Variants in SDK1 observed in about 807,000 individuals in gnomAD.
SDK1 encodes the protein protein sidekick-1.
Under a neutral mutation model 245.5 loss-of-function variants are expected in SDK1, and 157 were observed. That is an observed-to-expected ratio of 0.64 (90% confidence interval 0.56 to 0.73). The LOEUF (loss-of-function observed/expected upper bound fraction) is 0.73, where lower values mean the gene tolerates loss of function less well. SDK1 is among the 30% of genes least tolerant of loss of function. The probability of loss-of-function intolerance (pLI) is 0.00; values close to 1 mark genes in which losing one functional copy is unlikely to be tolerated. For synonymous variants in SDK1, 1,647 were observed against 1,278.5 expected, an observed-to-expected ratio of 1.29 and a Z score of -6.15; for missense variants, 3,583 against 3,002.3, an observed-to-expected ratio of 1.19 and a Z score of -4.52.
At chr7:4,164,688 G>A (rs1194553756) in intron 32 of SDK1, among the ~76,000 whole-genome samples, 2 of 152,210 alleles carry the variant, frequency 1.3e-5, no homozygotes, top group Non-Finnish European at 2.9e-5. Flanking sequence ...CCAAACAATG[G>A]TTGTGAAGGC....
At chr7:4,059,008 G>C (rs1779373693) in intron 19 of SDK1, among the ~76,000 whole-genome samples, 1 of 152,036 alleles carries the variant, frequency 6.6e-6, no homozygotes, top group Non-Finnish European at 1.5e-5. Context: ...TAAACAATGA[G>C]AGAGAAAGAA....
At position 3,951,902 on chromosome 7, in the gene SDK1, G is replaced by A. The variant is rs780195200; in HGVS notation, c.1132G>A (p.Ala378Thr). ...CGCTTTTGAACCGGCCAGGGCGACG[G>A]CCTTTCTTTTCATCATAGGTAATGC... ...GSAFEPARAT[A>T]FLFIIEPPYF... Residue 378 changes from alanine to threonine, a missense_variant, in exon 7 of 45, where the codon GCC (alanine) becomes ACC (threonine). By Grantham distance (58) the Ala-to-Thr change is moderately conservative. Transcript: ENST00000404826. The A allele has an allele frequency of 2.7e-5, 44 of 1,612,700 alleles. No individual in the cohort carries two copies. The South Asian group carries it at 4.4e-4, about 16-fold the overall frequency.
chr7:3,346,741 GTATA>G (rs1242719001), intron 1 of SDK1, among the ~76,000 whole-genome samples: 4 of 117,896 alleles, frequency 3.4e-5, no homozygotes, highest in East Asian at 4.9e-4. Context: ...ATATATACAC[GTATA>G]TATATGTGTG....
intron 5 of SDK1, among the ~76,000 whole-genome samples, chr7:3,843,616 A>G (rs994341248): frequency 2.6e-5 from 4 of 152,196 alleles, no homozygotes; most frequent in East Asian, 1.9e-4. Flanking sequence ...ATCTAAAACA[A>G]TATTATTGTG....
At chr7:3,972,798 C>G (rs1782593346) in intron 12 of SDK1, among the ~76,000 whole-genome samples, 1 of 152,192 alleles carries the variant, frequency 6.6e-6, no homozygotes, top group South Asian at 2.1e-4. Flanking sequence ...TTCCATGTCG[C>G]CACCCGACTC....
intron 13 of SDK1, among the ~76,000 whole-genome samples, chr7:3,978,032 C>T (rs1041860623): frequency 6.6e-6 from 1 of 152,158 alleles, no homozygotes. Flanking sequence ...ACCCAAAGCC[C>T]TCATCCAGCC....
intron 4 of SDK1, among the ~76,000 whole-genome samples, chr7:3,773,736 G>A (rs200916785): frequency 6.6e-6 from 1 of 152,136 alleles, no homozygotes; most frequent in African/African-American, 2.4e-5. Flanking sequence ...GGCTGTTTCT[G>A]TGCCATGGAT....
In SDK1 at chr7:4,017,248, C is replaced by G. The variant is rs1159645755; in HGVS notation, c.2498C>G (p.Thr833Arg). ...CCGGAGGTGAACTACTGCCTGGTGA[C>G]AGACCTGATCATCTGGACACAGTAT... Reference protein sequence around the residue: ...TSPEVNYCLVTDLIIWTQYEI... With the variant: ...TSPEVNYCLVRDLIIWTQYEI... The change falls in exon 17 of 45, where the codon ACA (threonine) becomes AGA (arginine). Residue 833 changes from threonine to arginine, a missense_variant. Coordinates refer to ENST00000404826, the MANE Select transcript of SDK1 (RefSeq NM_152744.4). 6.2e-7 allele frequency: 1 copy of G among 1,614,132 alleles called. No individual in the cohort carries two copies.
intron 14 of SDK1, among the ~76,000 whole-genome samples, chr7:4,009,991 C>T (rs1419633608): frequency 1.3e-5 from 2 of 152,238 alleles, no homozygotes; most frequent in Non-Finnish European, 2.9e-5. Context: ...TCTGCAGGCT[C>T]TGCCTAGCCC....
At chr7:4,005,004 T>TTCTGG (rs1785353370) in intron 14 of SDK1, among the ~76,000 whole-genome samples, 1 of 151,230 alleles carries the variant, frequency 6.6e-6, no homozygotes, top group African/African-American at 2.4e-5. Context: ...TAGATTAGGA[T>TTCTGG]TCTGGTAATT....
chr7:3,542,525 C>T (rs1779083019), intron 1 of SDK1, among the ~76,000 whole-genome samples: 1 of 152,162 alleles, frequency 6.6e-6, no homozygotes, highest in African/African-American at 2.4e-5. Context: ...AGCATAGGAT[C>T]ATGCCTGGCC....
rs148765646 is a variant in SDK1, at chr7:3,660,236, C to T, written c.713+18131C>T. 4.5e-3 allele frequency among the ~76,000 whole-genome samples: 679 copies of T among 151,726 alleles called. 4 individuals are homozygous for T. The highest frequency in any genetic ancestry group is 6.3e-3 in the Admixed American group (96 of 15,226). The stretch of plus-strand genomic sequence containing the variant: ...CAGAGCAGGGTAGAGAAATAAGACA[C>T]CCATGAAAATATGGAAAGGGACAGC... On this transcript the variant is annotated intron_variant, in intron 4 of 44. Coordinates refer to ENST00000404826, the MANE Select transcript of SDK1 (RefSeq NM_152744.4).
intron 12 of SDK1, among the ~76,000 whole-genome samples, chr7:3,974,052 C>T (rs1782691145): frequency 6.6e-6 from 1 of 151,518 alleles, no homozygotes; most frequent in Non-Finnish European, 1.5e-5. Flanking sequence ...AGCATGGTGG[C>T]ATACATCTGT....
intron 22 of SDK1, among the ~76,000 whole-genome samples, chr7:4,093,212 A>G (rs1480735424): frequency 6.6e-6 from 1 of 152,090 alleles, no homozygotes; most frequent in Non-Finnish European, 1.5e-5. Context: ...CATCTCTTTG[A>G]GCATTTTTAT....
chr7:3,376,182 GTGAGACCCTGCCT>G (rs892335505), intron 1 of SDK1, among the ~76,000 whole-genome samples: 2 of 152,088 alleles, frequency 1.3e-5, no homozygotes, highest in African/African-American at 4.8e-5. Flanking sequence ...GGGTGACAGA[GTGAGACCCTGCCT>G]TGGGGGAAAA....
intron 1 of SDK1, among the ~76,000 whole-genome samples, chr7:3,442,135 C>T (rs770649382): frequency 2.0e-5 from 3 of 152,142 alleles, no homozygotes; most frequent in Non-Finnish European, 2.9e-5. Context: ...TATCCACATT[C>T]TCCAAAAAAG....
At chr7:3,353,339 A>G (rs1024829283) in intron 1 of SDK1, among the ~76,000 whole-genome samples, 1 of 152,210 alleles carries the variant, frequency 6.6e-6, no homozygotes, top group Non-Finnish European at 1.5e-5. Flanking sequence ...GGCATTTGGA[A>G]TAAAAGTTGC....
At chr7:3,659,359 C>T (rs1783284571) in intron 4 of SDK1, among the ~76,000 whole-genome samples, 1 of 152,096 alleles carries the variant, frequency 6.6e-6, no homozygotes, top group Admixed American at 6.5e-5. Flanking sequence ...AAAAACCAAA[C>T]ACATAAAGAA....
At chr7:4,020,533 C>A (rs980916918) in intron 17 of SDK1, among the ~76,000 whole-genome samples, 1 of 152,134 alleles carries the variant, frequency 6.6e-6, no homozygotes, top group Non-Finnish European at 1.5e-5. Context: ...GCAATGCTTG[C>A]CTGGCTCTGG....
Sources: gnomAD v4.1 joint callset for allele counts (sites outside exome capture counted in the v4.1 genomes callset) on GRCh38, gnomAD v4.1.1 for gene constraint, MANE v1.5 for transcripts, NCBI Gene and HGNC (gene_info 2026-07-23, HGNC 2026-07-21) for gene names.